The following SLC25A48 variants were observed in gnomAD, a reference collection of about 807,000 sequenced individuals.
SLC25A48 encodes the protein solute carrier family 25 member 48, also known as CTC-321K16.1.
A neutral mutation model predicts 32.2 loss-of-function variants in SLC25A48; 29 were observed. That is an observed-to-expected ratio of 0.90 (90% CI 0.67 to 1.23). SLC25A48 has a LOEUF of 1.23. SLC25A48 is among the 50% of genes most tolerant of loss of function. The pLI, the probability that SLC25A48 is intolerant of heterozygous loss-of-function variation, is 0.00. For missense variants in SLC25A48, 399 were observed against 422.7 expected, an observed-to-expected ratio of 0.94 and a Z score of 0.49; for synonymous variants, 164 against 172.3, an observed-to-expected ratio of 0.95 and a Z score of 0.38.
intron 3 of SLC25A48, among the ~76,000 whole-genome samples, chr5:135,637,056 C>T (rs574116487): frequency 6.6e-6 from 1 of 152,312 alleles, no homozygotes; most frequent in African/African-American, 2.4e-5. Flanking sequence ...CAGTAAATGG[C>T]ATTTGTTTAA....
At chr5:135,791,850 C>G (rs75825142) in intron 3 of SLC25A48, among the ~76,000 whole-genome samples, 2,031 of 151,444 alleles carry the variant, frequency 0.013, 46 homozygotes, top group African/African-American at 0.045. Flanking sequence ...ATATTATTCA[C>G]AATTTTCTAG....
intron 4 of SLC25A48, among the ~76,000 whole-genome samples, chr5:135,853,143 A>C (rs1293140609): frequency 1.3e-5 from 2 of 152,246 alleles, no homozygotes; most frequent in Non-Finnish European, 2.9e-5. Flanking sequence ...AAAATACTTT[A>C]GTACTAAAAA....
In SLC25A48 at chr5:135,880,002, G is replaced by A. The variant is rs757718384; in HGVS notation, c.848G>A (p.Arg283Gln). The A allele has an allele frequency of 3.2e-5, 49 of 1,536,446 alleles. No homozygotes were observed. In the East Asian group the frequency reaches 3.7e-4, roughly 11 times the overall value. The change falls in exon 7 of 8, where the codon CGG becomes CAG. Residue 283 changes from arginine (R) to glutamine (Q), a missense_variant. Coordinates refer to ENST00000681962, the MANE Select transcript of SLC25A48 (RefSeq NM_001349336.2). ...AGAGGCATCACTGTGAACGCGGTGC[G>A]GGGCTTCCCCATGAGTGCGGCCATG... Reference protein sequence around the residue: ...FFRGITVNAVRGFPMSAAMFL... With the variant: ...FFRGITVNAVQGFPMSAAMFL...
At chr5:135,675,594 G>T (rs1470779213) in intron 3 of SLC25A48, among the ~76,000 whole-genome samples, 4 of 151,914 alleles carry the variant, frequency 2.6e-5, no homozygotes, top group Non-Finnish European at 5.9e-5. Flanking sequence ...ATGCTGTTTT[G>T]GTTACTATAA....
chr5:135,765,924 G>A (rs1012705194), intron 3 of SLC25A48, among the ~76,000 whole-genome samples: 2 of 151,800 alleles, frequency 1.3e-5, no homozygotes, highest in Non-Finnish European at 2.9e-5. Context: ...TCCCAGGGGT[G>A]AGAGGGTCAT....
intron 1 of SLC25A48, among the ~76,000 whole-genome samples, chr5:135,613,823 A>G (rs1752127732): frequency 6.6e-6 from 1 of 152,182 alleles, no homozygotes; most frequent in Non-Finnish European, 1.5e-5. Context: ...CACCAACCCC[A>G]TGCTATTTTG....
chr5:135,618,012 G>T (rs1752228265), intron 1 of SLC25A48, among the ~76,000 whole-genome samples: 1 of 151,796 alleles, frequency 6.6e-6, no homozygotes, highest in Non-Finnish European at 1.5e-5. Flanking sequence ...TGCTTAGAGT[G>T]GGATTTGTCG....
intron 3 of SLC25A48, among the ~76,000 whole-genome samples, chr5:135,776,723 A>T (rs1580867171): frequency 6.6e-6 from 1 of 150,552 alleles, no homozygotes; most frequent in East Asian, 2.0e-4. Flanking sequence ...ATTGTTCCTA[A>T]AACCCGGGGG....
intron 3 of SLC25A48, among the ~76,000 whole-genome samples, chr5:135,645,050 A>G (rs116321820): frequency 0.012 from 1,840 of 152,304 alleles, 50 homozygotes; most frequent in African/African-American, 0.042. Flanking sequence ...CAAAGGCTCC[A>G]CAAGGCTTCC....
chr5:135,878,959 G>C (rs1309520846), intron 6 of SLC25A48, among the ~76,000 whole-genome samples: 3 of 152,092 alleles, frequency 2.0e-5, no homozygotes, highest in Admixed American at 6.6e-5. Flanking sequence ...CCTTGTCTCT[G>C]CTAATGGGTT....
intron 1 of SLC25A48, among the ~76,000 whole-genome samples, chr5:135,621,074 C>T (rs1334058040): frequency 6.6e-6 from 1 of 152,116 alleles, no homozygotes; most frequent in African/African-American, 2.4e-5. Flanking sequence ...ATCTTGAAGC[C>T]CCTTCTAGGA....
At chr5:135,876,391 G>A (rs985704410) in intron 6 of SLC25A48, 9 of 152,114 alleles carry the variant, frequency 5.9e-5, no homozygotes, top group Admixed American at 3.3e-4. Context: ...GAGGTCAGAC[G>A]ATTGGTTTCT....
At position 135,871,550 on chromosome 5, in the gene SLC25A48, A is replaced by G. The variant is rs1275006154; in HGVS notation, c.511A>G (p.Asn171Asp). 6.2e-7 allele frequency: 1 copy of G among 1,614,016 alleles called. No homozygotes were observed. Among genetic ancestry groups the G allele is most frequent in the Non-Finnish European group, 8.5e-7 (1 of 1,180,012 alleles). Residue 171 changes from asparagine (N) to aspartate (D), a missense_variant, in exon 5 of 8, where the codon AAT (asparagine) becomes GAT (aspartate). Asn to Asp is a conservative substitution (Grantham distance 23, BLOSUM62 1). Coordinates refer to ENST00000681962, the MANE Select transcript of SLC25A48 (RefSeq NM_001349336.2). ...PVHCITTIVRNEGLAGLYRGA... is the reference protein window; with the variant it reads ...PVHCITTIVRDEGLAGLYRGA... ...GCACTGCATTACAACCATTGTGAGG[A>G]ATGAGGGCCTGGCGGGGCTATACCG...
At chr5:135,765,132 C>T (rs1203084341) in intron 3 of SLC25A48, among the ~76,000 whole-genome samples, 1 of 151,164 alleles carries the variant, frequency 6.6e-6, no homozygotes, top group Non-Finnish European at 1.5e-5. Context: ...TGATATGGTT[C>T]CTAATATCCA....
intron 1 of SLC25A48, among the ~76,000 whole-genome samples, chr5:135,588,863 T>A (rs1437622335): frequency 6.6e-6 from 1 of 152,186 alleles, no homozygotes; most frequent in Non-Finnish European, 1.5e-5. Flanking sequence ...ATAATTAATT[T>A]GACTGGAAAA....
intron 3 of SLC25A48, among the ~76,000 whole-genome samples, chr5:135,692,799 G>A (rs1754177241): frequency 1.3e-5 from 2 of 152,206 alleles, no homozygotes; most frequent in African/African-American, 4.8e-5. Flanking sequence ...AAAATAGAAT[G>A]TGGCTGCTAA....
chr5:135,868,785 G>T (rs1478454034), intron 4 of SLC25A48, among the ~76,000 whole-genome samples: 1 of 152,146 alleles, frequency 6.6e-6, no homozygotes, highest in African/African-American at 2.4e-5. Context: ...AGGTTTGACA[G>T]GTGTTTTTGC....
rs371169075 is a variant in SLC25A48 at position 135,620,623 on chromosome 5, C to G, written c.-848-8614C>G. Among the ~76,000 whole-genome samples, 27 of 152,146 alleles carry G rather than the reference C, an allele frequency of 1.8e-4. 1 individual carries two copies. Among genetic ancestry groups the G allele is most frequent in the African/African-American group, 6.3e-4 (26 of 41,498 alleles). On this transcript the variant is annotated intron_variant, in intron 1 of 10. Coordinates refer to the SLC25A48 transcript ENST00000646290. The stretch of plus-strand genomic sequence containing the variant: ...CCTTGGGACATGAGAAAATGCATGG[C>G]CACTCCTCTGCTTGGGGAGTGGGGT...
chr5:135,818,111 CTCTCTCT>C (rs1757785629), intron 4 of SLC25A48, among the ~76,000 whole-genome samples: 1 of 103,020 alleles, frequency 9.7e-6, no homozygotes, highest in South Asian at 3.2e-4. Flanking sequence ...CTCTCTCTCT[CTCTCTCT>C]CCCTCTGTTT....
Sources: allele counts gnomAD v4.1 joint callset (sites outside exome capture counted in the v4.1 genomes callset), GRCh38; gene constraint gnomAD v4.1.1; transcripts MANE v1.5; gene names NCBI Gene and HGNC (gene_info 2026-07-23, HGNC 2026-07-21).